Variants in LARS2 observed in about 807,000 individuals in gnomAD.
LARS2 encodes leucyl-tRNA synthetase 2, mitochondrial.
A neutral mutation model predicts 116.6 loss-of-function variants in LARS2; 81 were observed. The observed-to-expected ratio is 0.69, with a 90% CI of 0.58 to 0.84. The LOEUF is 0.84. Among genes scored for constraint, LARS2 ranks in the 40% least tolerant of loss-of-function variants. The pLI is 0.00. For synonymous variants in LARS2, 396 were observed against 407.2 expected (o/e 0.97, Z 0.33); for missense variants, 968 against 1,114.5 (o/e 0.87, Z 1.87).
At chr3:45,430,569 T>C (rs767042752) in intron 6 of LARS2, among the ~76,000 whole-genome samples, 17 of 140,998 alleles carry the variant, frequency 1.2e-4, no homozygotes, top group Non-Finnish European at 2.1e-4. Flanking sequence ...CGTGAGCCAC[T>C]GCGCCCGGCC....
chr3:45,521,143 A>C (rs1376914307), intron 19 of LARS2, among the ~76,000 whole-genome samples: 1 of 152,150 alleles, frequency 6.6e-6, no homozygotes, highest in Non-Finnish European at 1.5e-5. Flanking sequence ...TCTCTACTAA[A>C]AAATACAAAA....
Position 45,428,239 on chromosome 3 carries a change from G to GTTTTT in LARS2, c.516+8528_516+8532dup, listed in dbSNP as rs35323496. 5.6e-4 allele frequency among the ~76,000 whole-genome samples: 47 copies of GTTTTT among 84,224 alleles called. 4 individuals are homozygous for GTTTTT. The highest frequency in any genetic ancestry group is 9.5e-4 in the African/African-American group (19 of 19,948). 55.3% of individuals were successfully genotyped at this position (84,224 alleles called of 152,430 possible). A position where few individuals can be genotyped will look rare whatever the true frequency, so the allele number is the denominator to read the frequency against. On this transcript the variant is annotated intron_variant, in intron 6 of 21. Transcript: ENST00000645846. ...TAACAAAAATGTACTATCTTAACCT[G>GTTTTT]TTTTTTTTTTTTTTTTTTTTTTGAG...
chr3:45,441,559 C>T (rs537459640), intron 6 of LARS2, among the ~76,000 whole-genome samples: 1 of 152,214 alleles, frequency 6.6e-6, no homozygotes, highest in Non-Finnish European at 1.5e-5. Flanking sequence ...CTCCCAGGCT[C>T]TTTCCTGGAG....
At chr3:45,477,590 C>T (rs933768091) in intron 10 of LARS2, among the ~76,000 whole-genome samples, 1 of 152,168 alleles carries the variant, frequency 6.6e-6, no homozygotes, top group East Asian at 1.9e-4. Context: ...CTTGAGGGCT[C>T]TTACCAGATA....
chr3:45,444,367 A>C (rs76811449), intron 6 of LARS2, among the ~76,000 whole-genome samples: 1 of 149,340 alleles, frequency 6.7e-6, no homozygotes, highest in Non-Finnish European at 1.5e-5. Context: ...AGGGGAAAAA[A>C]AAAAATGCTG....
At chr3:45,516,610 T>C (rs1260835009) in intron 17 of LARS2, among the ~76,000 whole-genome samples, 3 of 152,174 alleles carry the variant, frequency 2.0e-5, no homozygotes, top group Non-Finnish European at 4.4e-5. Flanking sequence ...ACGAGGACCA[T>C]GCTTTGAGAG....
intron 8 of LARS2, among the ~76,000 whole-genome samples, chr3:45,460,089 G>A (rs763213573): frequency 6.6e-6 from 1 of 152,194 alleles, no homozygotes; most frequent in African/African-American, 2.4e-5. Flanking sequence ...CAATACCAAT[G>A]CCATACAGAA....
chr3:45,458,857 T>C lies in LARS2; in HGVS notation c.721T>C (p.Trp241Arg), dbSNP rs1407120502. The C allele has an allele frequency of 1.2e-6, 2 of 1,613,972 alleles. No individual in the cohort carries two copies. Among genetic ancestry groups the C allele is most frequent in the Non-Finnish European group, 1.7e-6 (2 of 1,179,910 alleles). ...GGTGGAACAGAAGTACCTCAGACAA[T>C]GGTTTATTAAGACAACCGCTTATGC... ...AKVEQKYLRQ[W>R]FIKTTAYAKA... The change falls in exon 8 of 22, where the codon TGG becomes CGG. Residue 241 changes from tryptophan (W) to arginine (R), a missense_variant. Trp to Arg is a moderately radical substitution (Grantham distance 101). Coordinates refer to ENST00000645846, the MANE Select transcript of LARS2 (RefSeq NM_015340.4).
intron 6 of LARS2, among the ~76,000 whole-genome samples, chr3:45,438,487 C>A (rs1698842979): frequency 6.6e-6 from 1 of 151,866 alleles, no homozygotes; most frequent in African/African-American, 2.4e-5. Flanking sequence ...GAGAGGCAGG[C>A]ATGGTGAGTG....
chr3:45,416,442 A>G lies in LARS2; in HGVS notation c.364-1040A>G, dbSNP rs556598894. ...TTAAGAGGGACTGTGTGCCGGATTC[A>G]GGCAAGCCGTGAGAAAGGGACAGGT... On this transcript the variant is annotated intron_variant, in intron 4 of 21. Transcript: ENST00000645846. Among the ~76,000 whole-genome samples, 10 of 152,272 alleles carry G rather than the reference A, an allele frequency of 6.6e-5. No homozygotes were observed. The South Asian group carries it at 2.1e-3, about 32-fold the overall frequency.
chr3:45,485,256 G>C (rs9842629), intron 10 of LARS2, among the ~76,000 whole-genome samples: 134,820 of 152,208 alleles, frequency 0.89, 61,925 homozygotes, highest in East Asian at 1. Flanking sequence ...GTCTGGAAAT[G>C]TCTTCCCTTC....
intron 3 of LARS2, among the ~76,000 whole-genome samples, chr3:45,395,343 C>T (rs1559454095): frequency 6.6e-6 from 1 of 152,202 alleles, no homozygotes; most frequent in Non-Finnish European, 1.5e-5. Flanking sequence ...CCAGGTACAC[C>T]AGCTCGGCAC....
At chr3:45,518,809 T>A (rs1252301434) in intron 18 of LARS2, among the ~76,000 whole-genome samples, 1 of 152,124 alleles carries the variant, frequency 6.6e-6, no homozygotes, top group African/African-American at 2.4e-5. Context: ...ATGAACACAA[T>A]GATGCATGGC....
chr3:45,413,229 T>A (rs1364151639), intron 4 of LARS2, among the ~76,000 whole-genome samples: 1 of 152,210 alleles, frequency 6.6e-6, no homozygotes, highest in Non-Finnish European at 1.5e-5. Context: ...TATTAATATC[T>A]TCCGTCCTCT....
At chr3:45,507,902 T>C (rs931395321) in intron 15 of LARS2, among the ~76,000 whole-genome samples, 2 of 152,198 alleles carry the variant, frequency 1.3e-5, no homozygotes, top group Admixed American at 6.5e-5. Flanking sequence ...GAAAATATGC[T>C]GAGCCTCCTG....
chr3:45,501,148 A>AGGCGTG (rs1489336278), intron 15 of LARS2, among the ~76,000 whole-genome samples: 1 of 150,202 alleles, frequency 6.7e-6, no homozygotes, highest in Non-Finnish European at 1.5e-5. Context: ...AGAATGGTAC[A>AGGCGTG]ACACATTAAA....
intron 6 of LARS2, among the ~76,000 whole-genome samples, chr3:45,438,015 CA>C (rs960666617): frequency 9.9e-5 from 15 of 151,982 alleles, no homozygotes; most frequent in African/African-American, 3.6e-4. Flanking sequence ...GCAGGAGGGC[CA>C]GGGGTAAATT....
chr3:45,487,540 T>C (rs540519075), intron 11 of LARS2, among the ~76,000 whole-genome samples: 5 of 152,366 alleles, frequency 3.3e-5, no homozygotes, highest in Admixed American at 2.6e-4. Flanking sequence ...TCCATGAGTA[T>C]GTCAGCAGCT....
In LARS2 at chr3:45,446,960, G is replaced by A. The variant is rs370413092; in HGVS notation, c.586G>A (p.Gly196Arg). 17 of 1,604,126 alleles carry A rather than the reference G, an allele frequency of 1.1e-5. No individual in the cohort carries two copies. The highest frequency in any genetic ancestry group is 1.4e-5 in the Non-Finnish European group (17 of 1,172,468). Residue 196 changes from glycine to arginine, a missense_variant, in exon 7 of 22, where the codon GGG (glycine) becomes AGG (arginine). Coordinates refer to ENST00000645846, the MANE Select transcript of LARS2 (RefSeq NM_015340.4). ...TCTCTTTATTAAACTGTATGAGGCT[G>A]GGCTGGCCTATCAAAAGGAGGTAAG... ...QYLFIKLYEA[G>R]LAYQKEALVN...
Sources: allele counts gnomAD v4.1 joint callset (sites outside exome capture counted in the v4.1 genomes callset), GRCh38; gene constraint gnomAD v4.1.1; transcripts MANE v1.5; gene names NCBI Gene and HGNC (gene_info 2026-07-23, HGNC 2026-07-21).